Variants in UNC5B observed in about 807,000 individuals in gnomAD.
The protein encoded by UNC5B is unc-5 netrin receptor B, also known as netrin receptor UNC5B.
In UNC5B, 56 loss-of-function variants were observed where a neutral mutation model predicts 103.7. The observed-to-expected ratio is 0.54, with a 90% CI of 0.44 to 0.67. The LOEUF is 0.67. Among genes scored for constraint, UNC5B ranks in the 30% least tolerant of loss-of-function variants. The probability of loss-of-function intolerance (pLI) is 0.00; values close to 1 mark genes in which losing one functional copy is unlikely to be tolerated. For synonymous variants in UNC5B, 577 were observed against 542.0 expected (o/e 1.06, Z -0.90); for missense variants, 1,194 against 1,284.5 (o/e 0.93, Z 1.08).
At chr10:71,262,549 A>G (rs1443447532) in intron 1 of UNC5B, among the ~76,000 whole-genome samples, 2 of 152,178 alleles carry the variant, frequency 1.3e-5, no homozygotes, top group Non-Finnish European at 2.9e-5. Context: ...TCATGCACGA[A>G]GGATTTATTA....
At chr10:71,219,579 C>G (rs956251136) in intron 1 of UNC5B, among the ~76,000 whole-genome samples, 1 of 152,200 alleles carries the variant, frequency 6.6e-6, no homozygotes, top group Non-Finnish European at 1.5e-5. Context: ...CCCACTGACT[C>G]AAATGTTAAT....
intron 1 of UNC5B, among the ~76,000 whole-genome samples, chr10:71,215,412 T>C (rs1167716915): frequency 3.9e-5 from 6 of 152,172 alleles, no homozygotes; most frequent in Non-Finnish European, 7.3e-5. Flanking sequence ...GGATCTTTAC[T>C]GGGGGTGTCC....
intron 1 of UNC5B, among the ~76,000 whole-genome samples, chr10:71,275,174 C>T (rs942007077): frequency 6.6e-5 from 10 of 152,146 alleles, no homozygotes; most frequent in African/African-American, 9.7e-5. Flanking sequence ...AGCTTCTTGG[C>T]GGGATATCTG....
Position 71,284,709 on chromosome 10 carries a change from TCTC to T in UNC5B, c.305-6_305-4del, listed in dbSNP as rs1564731248. ...CCCCTGCCCCCTGACGGCTCTCTCT[TCTC>T]CTCCCAGGCCTGCGGGTGCGCGAGG... is the stretch of plus-strand genomic sequence containing the variant. On this transcript the variant is annotated splice_region_variant and splice_polypyrimidine_tract_variant and intron_variant, in intron 2 of 16. Transcript: ENST00000335350. The T allele has an allele frequency of 1.2e-6, 2 of 1,613,036 alleles. No individual in the cohort carries two copies. The highest frequency in any genetic ancestry group is 1.7e-5 in the Admixed American group (1 of 59,994).
At position 71,267,868 on chromosome 10, in the gene UNC5B, G is replaced by A. The variant is rs372588045; in HGVS notation, c.80-11953G>A. On this transcript the variant is annotated intron_variant, in intron 1 of 16. Coordinates refer to ENST00000335350, the MANE Select transcript of UNC5B (RefSeq NM_170744.5). The stretch of plus-strand genomic sequence containing the variant: ...CTTTCCCAGCACTGGGACCAGAGAG[G>A]CAAACACAGGAACCATGGCCTGCAT... 1.4e-4 allele frequency among the ~76,000 whole-genome samples: 21 copies of A among 152,340 alleles called. No homozygotes were observed. The South Asian group carries it at 4.3e-3, about 32-fold the overall frequency.
At position 71,301,199 on chromosome 10, in the gene UNC5B, CTGAT is replaced by C. The variant is rs1282937759; in HGVS notation, c.*1923_*1926del. 5 of 152,306 alleles carry C rather than the reference CTGAT, an allele frequency of 3.3e-5. No homozygotes were observed. The highest frequency in any genetic ancestry group is 5.9e-5 in the Non-Finnish European group (4 of 68,126). 9.4% of individuals were successfully genotyped at this position (152,306 alleles called of 1,614,324 possible). ...TCAGCACATCCTGGCCTTTGAAAGT[CTGAT>C]ATCCTGAGAGGAGGGCAGGTTTTAG... On this transcript the variant is annotated 3_prime_UTR_variant, in exon 17 of 17. Transcript: ENST00000335350.
chr10:71,241,485 A>G (rs878720), intron 1 of UNC5B, among the ~76,000 whole-genome samples: 59,365 of 152,066 alleles, frequency 0.39, 11,904 homozygotes, highest in East Asian at 0.5. Flanking sequence ...CCAGGGCTCT[A>G]GTCTGCTCCA....
chr10:71,248,504 C>G (rs1173357877), intron 1 of UNC5B, among the ~76,000 whole-genome samples: 1 of 152,158 alleles, frequency 6.6e-6, no homozygotes, highest in Non-Finnish European at 1.5e-5. Flanking sequence ...TTCCTGACAG[C>G]CTGTTGAATA....
chr10:71,239,167 A>G (rs998954716), intron 1 of UNC5B, among the ~76,000 whole-genome samples: 8 of 152,186 alleles, frequency 5.3e-5, no homozygotes, highest in African/African-American at 1.9e-4. Context: ...CATCTCCCTC[A>G]ATGTGCCAGA....
At position 71,284,883 on chromosome 10, in the gene UNC5B, A is replaced by T; in HGVS notation, c.448+20A>T. On this transcript the variant is annotated intron_variant, in intron 3 of 16. Transcript: ENST00000335350. ...TCGCCTGTACGCCACCCTGACCCCC[A>T]CCCTGTCCCTGCAGGAACCTTCCCC... 1 of 1,570,838 alleles carries T rather than the reference A, an allele frequency of 6.4e-7. No homozygotes were observed.
At chr10:71,261,947 T>C (rs1027845010) in intron 1 of UNC5B, among the ~76,000 whole-genome samples, 17 of 151,722 alleles carry the variant, frequency 1.1e-4, no homozygotes, top group African/African-American at 4.1e-4. Flanking sequence ...GAGGCCTCAG[T>C]TGACTTCTTT....
chr10:71,288,722 G>A lies in UNC5B; in HGVS notation c.1056G>A (p.Leu352=), dbSNP rs1673510635. 2 of 1,610,450 alleles carry A rather than the reference G, an allele frequency of 1.2e-6. No individual in the cohort carries two copies. The highest frequency in any genetic ancestry group is 1.1e-5 in the South Asian group (1 of 90,844). The change falls in exon 7 of 17, where the codon CTG becomes CTA. Residue 352 remains leucine (L), a synonymous_variant. Transcript: ENST00000335350. ...ACTCTAAGAACTGCACAGATGGGCT[G>A]TGCATGCAAAGTGAGTCACAGGGAA... ...LLDSKNCTDG[L]CMQNKKTLSD...
At chr10:71,222,871 G>A (rs985341021) in intron 1 of UNC5B, among the ~76,000 whole-genome samples, 3 of 152,224 alleles carry the variant, frequency 2.0e-5, no homozygotes, top group African/African-American at 7.2e-5. Flanking sequence ...AGAGGCGTCC[G>A]CCTGCCTGGC....
Position 71,262,733 on chromosome 10 carries a change from C to T in UNC5B, c.80-17088C>T, listed in dbSNP as rs551809319. ...CACCATCATGAGCCTTGATTACCCT[C>T]TAGTCACCCCAGTCACTCCCCTGAA... On this transcript the variant is annotated intron_variant, in intron 1 of 16. Transcript: ENST00000335350. Among the ~76,000 whole-genome samples, 68 of 152,272 alleles carry T rather than the reference C, an allele frequency of 4.5e-4. 1 individual carries two copies. The highest frequency in any genetic ancestry group is 1.6e-3 in the African/African-American group (65 of 41,554).
chr10:71,224,377 A>G lies in UNC5B; in HGVS notation c.79+11313A>G, dbSNP rs1050363738. ...CTTCTGTATGTAGACACACACACACACACACACACACACACACACACACAC... is the reference window on the plus strand; with the variant it reads ...CTTCTGTATGTAGACACACACACACGCACACACACACACACACACACACAC... On this transcript the variant is annotated intron_variant, in intron 1 of 16. Coordinates refer to ENST00000335350, the MANE Select transcript of UNC5B (RefSeq NM_170744.5). Among the ~76,000 whole-genome samples the G allele has an allele frequency of 6.5e-3, 964 of 148,682 alleles. 19 individuals carry two copies. Among genetic ancestry groups the G allele is most frequent in the East Asian group, 0.019 (92 of 4,964 alleles).
Position 71,276,281 on chromosome 10 carries a change from C to T in UNC5B, c.80-3540C>T, listed in dbSNP as rs191889423. Among the ~76,000 whole-genome samples, 6 of 152,236 alleles carry T rather than the reference C, an allele frequency of 3.9e-5. No homozygotes were observed. The East Asian group carries it at 5.8e-4, about 15-fold the overall frequency. On this transcript the variant is annotated intron_variant, in intron 1 of 16. Coordinates refer to ENST00000335350, the MANE Select transcript of UNC5B (RefSeq NM_170744.5). The stretch of plus-strand genomic sequence containing the variant: ...TTCATATGAACCACTCTCTGAGCGG[C>T]GCCTGGCAGGGTAAGCATCCAGGAA...
rs773593946 is a variant in UNC5B at position 71,285,367 on chromosome 10, G to A, written c.490G>A (p.Val164Met). 1 of 1,611,662 alleles carries A rather than the reference G, an allele frequency of 6.2e-7. No homozygotes were observed. Among genetic ancestry groups the A allele is most frequent in the Admixed American group, 1.7e-5 (1 of 59,716 alleles). Residue 164 changes from valine (V) to methionine (M), a missense_variant, in exon 4 of 17, where the codon GTG becomes ATG. By Grantham distance (21) the Val-to-Met change is conservative. Transcript: ENST00000335350. ...CGATCAGGAGCCTCTGGGCAAGGAG[G>A]TGCCCCTGGACCATGAGGTTCTCCT... ...NFDQEPLGKE[V>M]PLDHEVLLQC...
Position 71,213,214 on chromosome 10 carries a change from A to G in UNC5B, c.79+150A>G, listed in dbSNP as rs1173067153. On this transcript the variant is annotated intron_variant, in intron 1 of 16. Transcript: ENST00000335350. The surrounding 1 kb of genome is among the most constrained non-coding windows in gnomAD (Gnocchi z 4.1). ...AGAATGTAGATTTTACTGCCTCCCA[A>G]AGTGGGCAATGGCGCATCCACATCG... 2.1e-5 allele frequency: 12 copies of G among 573,478 alleles called. No homozygotes were observed. Among genetic ancestry groups the G allele is most frequent in the Non-Finnish European group, 3.1e-5 (12 of 386,060 alleles). The allele number at this position is 573,478 out of a possible 1,614,324, so 35.5% of individuals were successfully genotyped here.
In UNC5B at chr10:71,213,675, A is replaced by AATTATTATT. The variant is rs5786026; in HGVS notation, c.79+637_79+645dup. Reference sequence around the variant, plus strand: ...ATCGCTGGGCCCGCAGGTCTGGAAGAATTATTATTATTATTATTATTATTA... The same window carrying AATTATTATT: ...ATCGCTGGGCCCGCAGGTCTGGAAGAATTATTATTATTATTATTATTATTATTATTATTA... On this transcript the variant is annotated intron_variant, in intron 1 of 16. Coordinates refer to ENST00000335350, the MANE Select transcript of UNC5B (RefSeq NM_170744.5). This position sits in a 1 kb window ranked among gnomAD's most constrained non-coding sequence, Gnocchi z 4.1. Among the ~76,000 whole-genome samples, 14,092 of 133,076 alleles carry AATTATTATT rather than the reference A, an allele frequency of 0.11. 880 individuals are homozygous for AATTATTATT. The highest frequency in any genetic ancestry group is 0.19 in the East Asian group (817 of 4,406). The allele number at this position is 133,076 out of a possible 152,430, so 87.3% of individuals were successfully genotyped here. A position where few individuals can be genotyped will look rare whatever the true frequency, so the allele number is the denominator to read the frequency against.
Sources: gnomAD v4.1 joint callset for allele counts (sites outside exome capture counted in the v4.1 genomes callset) on GRCh38, gnomAD v4.1.1 for gene constraint, Gnocchi (gnomAD v3.1) non-coding constraint, MANE v1.5 for transcripts, NCBI Gene and HGNC (gene_info 2026-07-23, HGNC 2026-07-21) for gene names.